DOCK4: variants seen among roughly 807,000 people sequenced by gnomAD.
DOCK4 encodes the protein dedicator of cytokinesis protein 4.
Under a neutral mutation model 268.1 loss-of-function variants are expected in DOCK4, and 97 were observed. The observed-to-expected ratio is 0.36, with a 90% CI of 0.31 to 0.43. The LOEUF (loss-of-function observed/expected upper bound fraction) is 0.43. DOCK4 is among the 20% of genes least tolerant of loss of function. The pLI is 1.00. For synonymous variants in DOCK4, 954 were observed against 887.2 expected, an observed-to-expected ratio of 1.08 and a Z score of -1.34; for missense variants, 2,145 against 2,455.7, an observed-to-expected ratio of 0.87 and a Z score of 2.67.
At chr7:111,862,455 C>A (rs1439903430) in intron 23 of DOCK4, among the ~76,000 whole-genome samples, 1 of 148,270 alleles carries the variant, frequency 6.7e-6, no homozygotes, top group Admixed American at 6.8e-5. Flanking sequence ...ATCATACATA[C>A]ACACACATTC....
intron 12 of DOCK4, among the ~76,000 whole-genome samples, chr7:111,932,827 T>A (rs1794309616): frequency 6.6e-6 from 1 of 152,082 alleles, no homozygotes; most frequent in Non-Finnish European, 1.5e-5. Context: ...CAGCAACATA[T>A]GGCTGCTGCC....
At chr7:111,930,767 A>G (rs927855422) in intron 12 of DOCK4, among the ~76,000 whole-genome samples, 4 of 152,190 alleles carry the variant, frequency 2.6e-5, no homozygotes, top group African/African-American at 9.6e-5. Flanking sequence ...TCAATAATGA[A>G]GCTGAACAGC....
At chr7:111,758,084 G>A (rs115570669) in intron 41 of DOCK4, among the ~76,000 whole-genome samples, 1,545 of 152,146 alleles carry the variant, frequency 0.01, 33 homozygotes, top group African/African-American at 0.035. Flanking sequence ...GCTTTTACTC[G>A]GAGTCCTGAG....
At chr7:111,846,146 C>A (rs538695306) in intron 24 of DOCK4, among the ~76,000 whole-genome samples, 1 of 152,304 alleles carries the variant, frequency 6.6e-6, no homozygotes, top group African/African-American at 2.4e-5. Flanking sequence ...GGTCCCATCC[C>A]ACCTCACTGA....
At chr7:112,135,807 C>T (rs898682737) in intron 1 of DOCK4, among the ~76,000 whole-genome samples, 12 of 151,932 alleles carry the variant, frequency 7.9e-5, no homozygotes, top group African/African-American at 1.7e-4. Context: ...CAAATTACCC[C>T]GAAGTTTAAT....
At chr7:111,886,632 A>G (rs1046529080) in intron 16 of DOCK4, among the ~76,000 whole-genome samples, 6 of 152,174 alleles carry the variant, frequency 3.9e-5, no homozygotes, top group Middle Eastern at 3.2e-3. Flanking sequence ...GAGGGAAGAA[A>G]CAATACACTT....
chr7:111,953,404 T>A (rs1333161781), intron 8 of DOCK4, among the ~76,000 whole-genome samples: 1 of 152,176 alleles, frequency 6.6e-6, no homozygotes, highest in Non-Finnish European at 1.5e-5. Flanking sequence ...TAAAAGGCAA[T>A]AGAATACAAA....
intron 25 of DOCK4, among the ~76,000 whole-genome samples, 179 bp from the exon 26 acceptor site, chr7:111,834,865 C>G (rs1249394265): frequency 6.6e-6 from 1 of 151,960 alleles, no homozygotes; most frequent in African/African-American, 2.4e-5. Flanking sequence ...CCAAAACTCC[C>G]TATGATGATT....
At chr7:112,133,027 C>CAACT (rs1813946779) in intron 1 of DOCK4, among the ~76,000 whole-genome samples, 1 of 152,146 alleles carries the variant, frequency 6.6e-6, no homozygotes, top group Admixed American at 6.5e-5. Context: ...CCAGGATGAC[C>CAACT]AACTGCCTCT....
In DOCK4 at chr7:111,863,690, TTC is replaced by T. The variant is rs1444002290; in HGVS notation, c.2281-128_2281-127del. The T allele has an allele frequency of 1.0e-4, 106 of 1,011,278 alleles. 2 individuals are homozygous for T. The East Asian group carries it at 3.0e-3, about 29-fold the overall frequency. 62.6% of individuals were successfully genotyped at this position (1,011,278 alleles called of 1,614,324 possible). ...TGGTAGGAATAGAAGTATGAAATGT[TTC>T]TGTTACCTAAAGCTAAAAGGTAAAT... On this transcript the variant is annotated intron_variant, in intron 22 of 52. Coordinates refer to ENST00000428084, the MANE Select transcript of DOCK4 (RefSeq NM_001363540.2).
chr7:111,836,448 A>G (rs1330064005), intron 25 of DOCK4, among the ~76,000 whole-genome samples: 4 of 152,162 alleles, frequency 2.6e-5, no homozygotes, highest in Admixed American at 1.3e-4. Context: ...CCACCTGTCA[A>G]CAATGTAAAA....
chr7:111,778,318 G>C lies in DOCK4; in HGVS notation c.3637C>G (p.His1213Asp). 2 of 1,613,174 alleles carry C rather than the reference G, an allele frequency of 1.2e-6. No individual in the cohort carries two copies. Among genetic ancestry groups the C allele is most frequent in the Non-Finnish European group, 1.7e-6 (2 of 1,179,358 alleles). The change falls in exon 36 of 53, where the codon CAC (histidine) becomes GAC (aspartate). Residue 1213 changes from histidine to aspartate, a missense_variant. By Grantham distance (81) the His-to-Asp change is moderately conservative. Around this residue, in one of 2 missense-constraint regions of DOCK4, gnomAD observed 1,598 missense variants for 1,986.7 expected, o/e 0.80. Transcript: ENST00000428084. ...NKEEMYIRYI[H>D]KLYDLHLKAQ... ...TTGAGATGCAGATCATAGAGTTTGTGAATGTAGCGTATATACATCTCCTCC... is the reference window on the plus strand; with the variant it reads ...TTGAGATGCAGATCATAGAGTTTGTCAATGTAGCGTATATACATCTCCTCC...
At chr7:112,202,588 G>T (rs911827120) in intron 1 of DOCK4, among the ~76,000 whole-genome samples, 4 of 151,930 alleles carry the variant, frequency 2.6e-5, no homozygotes, top group African/African-American at 9.7e-5. Context: ...AATATATACA[G>T]CTGGGTGAGA....
intron 14 of DOCK4, 132 bp from the exon 15 acceptor site, chr7:111,900,668 C>T (rs1284860290): frequency 5.0e-5 from 47 of 932,454 alleles, no homozygotes; most frequent in South Asian, 2.0e-4. Flanking sequence ...GGGCCTTTGC[C>T]GTGTGTTTCT....
At chr7:111,761,196 ATGACAGGTG>A (rs1797383834) in intron 39 of DOCK4, among the ~76,000 whole-genome samples, 1 of 152,074 alleles carries the variant, frequency 6.6e-6, no homozygotes, top group Non-Finnish European at 1.5e-5. Context: ...AGTAGCTAGA[ATGACAGGTG>A]TGCACTACCA....
chr7:112,002,011 A>AT (rs1251553864), intron 2 of DOCK4, among the ~76,000 whole-genome samples: 1 of 152,234 alleles, frequency 6.6e-6, no homozygotes, highest in African/African-American at 2.4e-5. Flanking sequence ...CAAAAAAATT[A>AT]TTATACTATG....
chr7:111,747,849 A>G (rs3801784), intron 42 of DOCK4, among the ~76,000 whole-genome samples: 98,194 of 151,934 alleles, frequency 0.65, 32,358 homozygotes, highest in Non-Finnish European at 0.72. Flanking sequence ...CATGGGAGAT[A>G]TAAAGATGCA....
intron 26 of DOCK4, among the ~76,000 whole-genome samples, chr7:111,834,131 T>C (rs890756725): frequency 3.9e-5 from 6 of 152,226 alleles, no homozygotes; most frequent in African/African-American, 1.4e-4. Context: ...GATTAGACTA[T>C]AGCTGATAGA....
At chr7:112,121,369 G>A (rs1234802005) in intron 1 of DOCK4, among the ~76,000 whole-genome samples, 1 of 152,156 alleles carries the variant, frequency 6.6e-6, no homozygotes, top group East Asian at 1.9e-4. Flanking sequence ...ATTCCCCTAT[G>A]TGTTCTGCGG....
Sources: gnomAD v4.1 joint callset for allele counts (sites outside exome capture counted in the v4.1 genomes callset) on GRCh38, gnomAD v4.1.1 for gene constraint, gnomAD v4.1.1 regional missense constraint, MANE v1.5 for transcripts, NCBI Gene and HGNC (gene_info 2026-07-23, HGNC 2026-07-21) for gene names.